ARL5A: variants seen among roughly 807,000 people sequenced by gnomAD.
ARL5A encodes the protein ADP-ribosylation factor-like protein 5A.
In ARL5A, 18 loss-of-function variants were observed where a neutral mutation model predicts 25.9. The observed-to-expected ratio is 0.69, with a 90% CI of 0.48 to 1.03. ARL5A has a LOEUF of 1.03. Ranked by LOEUF, ARL5A falls within the 50% of genes least tolerant of loss-of-function variation. ARL5A has a pLI of 0.00. For synonymous variants in ARL5A, 61 were observed against 67.5 expected, an observed-to-expected ratio of 0.90 and a Z score of 0.47; for missense variants, 170 against 211.9, an observed-to-expected ratio of 0.80 and a Z score of 1.23.
rs540461084 is a variant in ARL5A at position 151,812,342 on chromosome 2, A to G, written c.339+15T>C. On this transcript the variant is annotated intron_variant, in intron 4 of 5. Coordinates refer to ENST00000295087, the MANE Select transcript of ARL5A (RefSeq NM_012097.4). ...ACCCTTCCCCATATCTAATGTAAAA[A>G]GACTACTTACTTACCTCATGCGCTA... The G allele has an allele frequency of 2.5e-5, 39 of 1,550,146 alleles. No homozygotes were observed. In the South Asian group the frequency reaches 4.6e-4, roughly 18 times the overall value.
chr2:151,828,211 G>A lies in ARL5A; in HGVS notation c.-35C>T. 6.3e-7 allele frequency: 1 copy of A among 1,596,152 alleles called. No homozygotes were observed. The highest frequency in any genetic ancestry group is 8.6e-7 in the Non-Finnish European group (1 of 1,168,750). On this transcript the variant is annotated 5_prime_UTR_variant, in exon 1 of 6. Transcript: ENST00000295087. ...GCGGACCCCCCCCCTCCAGACACCC[G>A]GGCCGCCTGGCTTCCCCCGGCTCAG...
At chr2:151,809,474 T>C (rs1045898293) in intron 4 of ARL5A, among the ~76,000 whole-genome samples, 5 of 152,202 alleles carry the variant, frequency 3.3e-5, no homozygotes, top group African/African-American at 1.2e-4. Flanking sequence ...TTTTACATAT[T>C]TAGAAAGAGA....
intron 5 of ARL5A, among the ~76,000 whole-genome samples, chr2:151,805,446 C>CTT (rs2099829966): frequency 6.6e-6 from 1 of 152,170 alleles, no homozygotes; most frequent in South Asian, 2.1e-4. Flanking sequence ...AAACTTAAGA[C>CTT]TTCTATTTAG....
At chr2:151,821,260 C>G (rs1231468289) in intron 1 of ARL5A, among the ~76,000 whole-genome samples, 1 of 152,158 alleles carries the variant, frequency 6.6e-6, no homozygotes, top group Non-Finnish European at 1.5e-5. Context: ...AACCATGCCC[C>G]CAAACTCTTA....
intron 1 of ARL5A, among the ~76,000 whole-genome samples, chr2:151,818,328 G>A (rs1268447307): frequency 1.3e-5 from 2 of 152,074 alleles, no homozygotes; most frequent in Non-Finnish European, 2.9e-5. Context: ...GCCCAGGCTG[G>A]ATTGCAGTAT....
At chr2:151,825,677 A>C (rs1396022919) in intron 1 of ARL5A, among the ~76,000 whole-genome samples, 1 of 152,198 alleles carries the variant, frequency 6.6e-6, no homozygotes. Flanking sequence ...TGCATAGTTT[A>C]AGTTTCATCA....
chr2:151,828,230 G>C lies in ARL5A; in HGVS notation c.-54C>G. 6.5e-7 allele frequency: 1 copy of C among 1,547,004 alleles called. No individual in the cohort carries two copies. The highest frequency in any genetic ancestry group is 8.9e-7 in the Non-Finnish European group (1 of 1,125,082). ...ACACCCGGGCCGCCTGGCTTCCCCC[G>C]GCTCAGGCTGAGGGGGAGGAGAGAG... On this transcript the variant is annotated 5_prime_UTR_variant, in exon 1 of 6. Transcript: ENST00000295087.
intron 1 of ARL5A, among the ~76,000 whole-genome samples, chr2:151,818,652 A>G (rs937642450): frequency 2.0e-5 from 3 of 152,174 alleles, no homozygotes; most frequent in African/African-American, 7.2e-5. Flanking sequence ...GTACCTTTGC[A>G]CCTAGAAAGT....
At chr2:151,812,534 A>C in intron 3 of ARL5A, 94 bp from the exon 4 acceptor site, 2 of 738,092 alleles carry the variant, frequency 2.7e-6, no homozygotes, top group Non-Finnish European at 4.1e-6. Context: ...TATTAATATC[A>C]AGAAATTGGA....
chr2:151,828,278 G>T lies in ARL5A; in HGVS notation c.-102C>A. Reference sequence around the variant, plus strand: ...GAGACGCGCTGGAGCCTCCGCCTCTGCTGCTGCTCCCGCGCTGGTCGCGGG... The same window carrying T: ...GAGACGCGCTGGAGCCTCCGCCTCTTCTGCTGCTCCCGCGCTGGTCGCGGG... On this transcript the variant is annotated 5_prime_UTR_variant, in exon 1 of 6. Coordinates refer to ENST00000295087, the MANE Select transcript of ARL5A (RefSeq NM_012097.4). The T allele has an allele frequency of 9.5e-7, 1 of 1,055,830 alleles. No individual in the cohort carries two copies. The highest frequency in any genetic ancestry group is 1.4e-6 in the Non-Finnish European group (1 of 722,472). The allele number at this position is 1,055,830 out of a possible 1,614,324, so 65.4% of individuals were successfully genotyped here. A position where few individuals can be genotyped will look rare whatever the true frequency, so the allele number is the denominator to read the frequency against.
At chr2:151,814,022 G>T in intron 3 of ARL5A, 147 bp downstream of exon 3, 1 of 638,630 alleles carries the variant, frequency 1.6e-6, no homozygotes. Context: ...CAATGACCTT[G>T]GAATAGGAAA....
chr2:151,813,004 C>G (rs1056352921), intron 3 of ARL5A, among the ~76,000 whole-genome samples: 1 of 152,118 alleles, frequency 6.6e-6, no homozygotes, highest in African/African-American at 2.4e-5. Flanking sequence ...AGACTGGTAT[C>G]AGAAGGTGCG....
At chr2:151,822,911 A>G (rs550562455) in intron 1 of ARL5A, among the ~76,000 whole-genome samples, 2 of 152,322 alleles carry the variant, frequency 1.3e-5, no homozygotes, top group South Asian at 4.1e-4. Context: ...CAGGCAGTCT[A>G]CCAGTTCCAT....
chr2:151,813,666 C>T (rs2099831138), intron 3 of ARL5A, among the ~76,000 whole-genome samples: 1 of 152,052 alleles, frequency 6.6e-6, no homozygotes, highest in African/African-American at 2.4e-5. Flanking sequence ...CAATGAAGCA[C>T]TCAAATGTCA....
At chr2:151,822,674 CTT>C (rs1185448584) in intron 1 of ARL5A, among the ~76,000 whole-genome samples, 1 of 152,180 alleles carries the variant, frequency 6.6e-6, no homozygotes, top group Non-Finnish European at 1.5e-5. Flanking sequence ...CATTCCAACT[CTT>C]TGATGCACAA....
intron 4 of ARL5A, 30 bp downstream of exon 4, chr2:151,812,327 A>C: frequency 6.9e-7 from 1 of 1,440,872 alleles, no homozygotes; most frequent in Non-Finnish European, 9.6e-7. Flanking sequence ...ACCCTTCCCC[A>C]TATCTAATGT....
At chr2:151,803,897 G>A (rs988879428) in intron 5 of ARL5A, among the ~76,000 whole-genome samples, 10 of 151,806 alleles carry the variant, frequency 6.6e-5, no homozygotes, top group Admixed American at 4.6e-4. Context: ...CATAAACATA[G>A]ACTTACATAC....
chr2:151,824,425 A>G (rs540783920), intron 1 of ARL5A, among the ~76,000 whole-genome samples: 32 of 152,258 alleles, frequency 2.1e-4, no homozygotes, highest in Non-Finnish European at 4.3e-4. Context: ...GACACAGTCT[A>G]CCCCTTGGCT....
intron 1 of ARL5A, 46 bp downstream of exon 1, chr2:151,828,085 G>C (rs1306271445): frequency 6.3e-7 from 1 of 1,593,628 alleles, no homozygotes; most frequent in Non-Finnish European, 8.6e-7. Context: ...GCCGGCCCGA[G>C]CTGACCCTCT....
Sources: allele counts gnomAD v4.1 joint callset (sites outside exome capture counted in the v4.1 genomes callset), GRCh38; gene constraint gnomAD v4.1.1; transcripts MANE v1.5; gene names NCBI Gene and HGNC (gene_info 2026-07-23, HGNC 2026-07-21).